Variants in KDM2B observed in about 807,000 individuals in gnomAD.
The protein encoded by KDM2B is lysine demethylase 2B, also known as lysine-specific demethylase 2B.
A neutral mutation model predicts 150.0 loss-of-function variants in KDM2B; 26 were observed. The observed-to-expected ratio is 0.17, with a 90% CI of 0.13 to 0.24. The LOEUF (loss-of-function observed/expected upper bound fraction) is 0.24, where lower values mean the gene tolerates loss of function less well. Among genes scored for constraint, KDM2B ranks in the 10% least tolerant of loss-of-function variants. The pLI, the probability that KDM2B is intolerant of heterozygous loss-of-function variation, is 1.00. For missense variants in KDM2B, 1,265 were observed against 1,816.9 expected (o/e 0.70, Z 5.52); for synonymous variants, 734 against 729.5 (o/e 1.01, Z -0.10).
chr12:121,573,916 C>A (rs1259867126), intron 4 of KDM2B, among the ~76,000 whole-genome samples: 5 of 152,084 alleles, frequency 3.3e-5, no homozygotes, highest in Non-Finnish European at 5.9e-5. Flanking sequence ...CCTCTTGTAC[C>A]CACCAAGAGG....
chr12:121,547,825 T>C (rs1284322635), intron 6 of KDM2B, among the ~76,000 whole-genome samples: 2 of 151,938 alleles, frequency 1.3e-5, no homozygotes, highest in East Asian at 1.9e-4. Flanking sequence ...GTATTTTTCG[T>C]AGAGACAGAG....
chr12:121,501,194 CAG>C (rs59661191), intron 11 of KDM2B, among the ~76,000 whole-genome samples: 3,756 of 152,002 alleles, frequency 0.025, 140 homozygotes, highest in African/African-American at 0.087. Flanking sequence ...GAGATTTGGA[CAG>C]AGACACAAAG....
the KDM2B span, among the ~76,000 whole-genome samples, chr12:121,411,829 T>G: frequency 1.3e-5 from 2 of 152,224 alleles, no homozygotes; most frequent in Non-Finnish European, 2.9e-5. Context: ...CTAAGAGAGC[T>G]GTTGGTTTAG....
chr12:121,545,887 C>A (rs1268883958), intron 6 of KDM2B, among the ~76,000 whole-genome samples: 2 of 151,870 alleles, frequency 1.3e-5, no homozygotes, highest in Non-Finnish European at 2.9e-5. Context: ...TCCACAGGTC[C>A]CCTGCCCCTC....
At chr12:121,580,599 G>A (rs1159283365) in intron 1 of KDM2B, 187 bp downstream of exon 1, 3 of 943,954 alleles carry the variant, frequency 3.2e-6, no homozygotes, top group Admixed American at 6.6e-5. Context: ...AGGAGGGGGC[G>A]GGGAGGGAGG....
At chr12:121,505,433 G>T (rs527616940) in intron 11 of KDM2B, among the ~76,000 whole-genome samples, 1 of 151,842 alleles carries the variant, frequency 6.6e-6, no homozygotes, top group Non-Finnish European at 1.5e-5. Flanking sequence ...GAGCCCAGGG[G>T]CTCAAGATGA....
intron 12 of KDM2B, among the ~76,000 whole-genome samples, chr12:121,459,929 C>CA (rs1156600886): frequency 6.6e-6 from 1 of 151,880 alleles, no homozygotes; most frequent in Non-Finnish European, 1.5e-5. Context: ...ATCTAGCAAG[C>CA]AGTTAGTACT....
intron 11 of KDM2B, among the ~76,000 whole-genome samples, chr12:121,509,231 C>CA (rs1265056441): frequency 6.9e-6 from 1 of 144,996 alleles, no homozygotes; most frequent in Non-Finnish European, 1.5e-5. Flanking sequence ...GCTAATTTTC[C>CA]TTTTTTTTTT....
chr12:121,514,186 C>T (rs1555304515), intron 9 of KDM2B, among the ~76,000 whole-genome samples: 8 of 152,148 alleles, frequency 5.3e-5, no homozygotes, highest in Non-Finnish European at 1.2e-4. Flanking sequence ...ACGATCATAG[C>T]TCACTCAGCC....
intron 14 of KDM2B, 31 bp downstream of exon 14, chr12:121,445,244 C>G (rs377215606): frequency 1.2e-6 from 2 of 1,606,534 alleles, no homozygotes; most frequent in Non-Finnish European, 1.7e-6. Flanking sequence ...CCCAGAGCGT[C>G]AGCACCACCT....
At position 121,444,135 on chromosome 12, in the gene KDM2B, G is replaced by C. The variant is rs782433580; in HGVS notation, c.2328C>G (p.Arg776=). The C allele has an allele frequency of 6.2e-7, 1 of 1,612,788 alleles. No individual in the cohort carries two copies. The highest frequency in any genetic ancestry group is 8.5e-7 in the Non-Finnish European group (1 of 1,180,038). The change falls in exon 16 of 23, where the codon CGC becomes CGG. Residue 776 remains arginine, a synonymous_variant. Transcript: ENST00000377071. ...CCTTCTTCGAGTGCTCATCCGACCT[G>C]CGCCGGGGCGCCTCCTCACACTCAC... ...RRSECEEAPR[R]RSDEHSKKVP...
rs782292557 is a variant in KDM2B, at chr12:121,513,278, A to G, written c.1172T>C (p.Ile391Thr). Reference sequence around the variant, plus strand: ...TGGGCTCCCTCCGGTTCACTCACCAATAAGCATCGACTCCCTCTGGTATTC... The same window carrying G: ...TGGGCTCCCTCCGGTTCACTCACCAGTAAGCATCGACTCCCTCTGGTATTC... ...TQEYQRESML[I>T]DAPRKPSIDG... is the part of the protein sequence containing the mutation. The change falls in exon 10 of 23, where the codon ATT (isoleucine) becomes ACT (threonine). Residue 391 changes from isoleucine (I) to threonine (T), a missense_variant and splice_region_variant. By Grantham distance (89) the Ile-to-Thr change is moderately conservative. Transcript: ENST00000377071. The surrounding 1 kb of genome is among the most constrained non-coding windows in gnomAD (Gnocchi z 5.0). 8.1e-6 allele frequency: 13 copies of G among 1,613,190 alleles called. No individual in the cohort carries two copies. The highest frequency in any genetic ancestry group is 1.7e-4 in the Middle Eastern group (1 of 6,060).
chr12:121,547,664 T>C (rs1594100934), intron 6 of KDM2B, among the ~76,000 whole-genome samples: 1 of 149,526 alleles, frequency 6.7e-6, no homozygotes, highest in East Asian at 2.0e-4. Flanking sequence ...TTTTTTTTTT[T>C]TTTGAGACAG....
chr12:121,507,075 C>T lies in KDM2B; in HGVS notation c.1647+2492G>A, dbSNP rs1436380385. Among the ~76,000 whole-genome samples, 9 of 140,406 alleles carry T rather than the reference C, an allele frequency of 6.4e-5. 1 individual carries two copies. In the South Asian group the frequency reaches 6.6e-4, roughly 10 times the overall value. The allele number at this position is 140,406 out of a possible 152,430, so 92.1% of individuals were successfully genotyped here. A position where few individuals can be genotyped will look rare whatever the true frequency, so the allele number is the denominator to read the frequency against. ...TCACGCCACTGCACTCCAGCCTGGG[C>T]GACAGAGCGAGACTCTGTCTCAAGA... On this transcript the variant is annotated intron_variant, in intron 11 of 22. Transcript: ENST00000377071.
At chr12:121,507,258 G>A (rs1885170907) in intron 11 of KDM2B, among the ~76,000 whole-genome samples, 1 of 151,960 alleles carries the variant, frequency 6.6e-6, no homozygotes, top group Admixed American at 6.6e-5. Context: ...CAGCTACTCG[G>A]GAGGCAGGGG....
In KDM2B at chr12:121,575,676, T is replaced by C; in HGVS notation, c.350+105A>G. The C allele has an allele frequency of 3.6e-6, 3 of 832,258 alleles. No homozygotes were observed. The highest frequency in any genetic ancestry group is 6.2e-6 in the Non-Finnish European group (3 of 480,804). The allele number at this position is 832,258 out of a possible 1,614,324, so 51.6% of individuals were successfully genotyped here. On this transcript the variant is annotated intron_variant, in intron 3 of 22. Transcript: ENST00000377071. This position sits in a 1 kb window ranked among gnomAD's most constrained non-coding sequence, Gnocchi z 4.4. ...TTCCCAGATCGTGAAAAAAGATCCT[T>C]CTCAGTGATGAGAGGTGGGAAGAGG...
At chr12:121,563,515 G>A (rs564768295) in intron 4 of KDM2B, among the ~76,000 whole-genome samples, 2 of 152,112 alleles carry the variant, frequency 1.3e-5, no homozygotes, top group South Asian at 4.1e-4. Flanking sequence ...GCTGAGGCAC[G>A]AGAACTGCTT....
chr12:121,411,697 G>A, the KDM2B span, among the ~76,000 whole-genome samples: 1 of 152,156 alleles, frequency 6.6e-6, no homozygotes, highest in Non-Finnish European at 1.5e-5. Context: ...TTTTTACACA[G>A]TTACTTGTCA....
rs782282952 is a variant in KDM2B at position 121,439,957 on chromosome 12, G to C, written c.3729C>G (p.Leu1243=). 5 of 1,614,108 alleles carry C rather than the reference G, an allele frequency of 3.1e-6. No homozygotes were observed. The highest frequency in any genetic ancestry group is 1.7e-5 in the Admixed American group (1 of 60,010). ...TGACGTGGTTACAGTAACTGAGGTG[G>C]AGCTTGGAGAGCAGGGGCATGTGGC... The part of the protein sequence containing the change: ...IIRHMPLLSK[L]HLSYCNHVTD... The change falls in exon 22 of 23, where the codon CTC becomes CTG. Residue 1243 remains leucine (L), a synonymous_variant. Coordinates refer to ENST00000377071, the MANE Select transcript of KDM2B (RefSeq NM_032590.5).
Sources: gnomAD v4.1 joint callset for allele counts (sites outside exome capture counted in the v4.1 genomes callset) on GRCh38, gnomAD v4.1.1 for gene constraint, Gnocchi (gnomAD v3.1) non-coding constraint, MANE v1.5 for transcripts, NCBI Gene and HGNC (gene_info 2026-07-23, HGNC 2026-07-21) for gene names.